The following ZNF724 variants were observed in gnomAD, a reference collection of about 807,000 sequenced individuals.
The protein encoded by ZNF724 is zinc finger protein 724.
Under a neutral mutation model 29.3 loss-of-function variants are expected in ZNF724, and 14 were observed. That is an observed-to-expected ratio of 0.48 (90% CI 0.32 to 0.75). The LOEUF is 0.75. Among genes scored for constraint, ZNF724 ranks in the 30% least tolerant of loss-of-function variants. The probability of loss-of-function intolerance (pLI) is 0.04; values close to 1 mark genes in which losing one functional copy is unlikely to be tolerated. For missense variants in ZNF724, 557 were observed against 571.2 expected (o/e 0.98, Z 0.25); for synonymous variants, 180 against 193.6 (o/e 0.93, Z 0.58).
Position 23,250,282 on chromosome 19 carries a change from G to A in ZNF724, c.-40C>T. 1.5e-6 allele frequency: 1 copy of A among 674,496 alleles called. No individual in the cohort carries two copies. The highest frequency in any genetic ancestry group is 1.3e-5 in the South Asian group (1 of 74,876). 41.8% of individuals were successfully genotyped at this position (674,496 alleles called of 1,614,324 possible). On this transcript the variant is annotated 5_prime_UTR_variant, in exon 1 of 4. Coordinates refer to ENST00000418100, the MANE Select transcript of ZNF724 (RefSeq NM_001355404.2). ...GGGAGGCCCTGGCGTCTTAGCTGTG[G>A]ATCTCCCAATGCTTGCAGGTCAGAG...
chr19:23,226,761 T>C (rs1426475055), intron 3 of ZNF724, among the ~76,000 whole-genome samples: 1 of 152,014 alleles, frequency 6.6e-6, no homozygotes, highest in Non-Finnish European at 1.5e-5. Context: ...ATAATTAGGG[T>C]CATATTTATA....
intron 1 of ZNF724, among the ~76,000 whole-genome samples, chr19:23,238,390 A>G (rs933332633): frequency 2.8e-5 from 4 of 145,212 alleles, no homozygotes; most frequent in African/African-American, 1.0e-4. Flanking sequence ...CCTTTGCCAA[A>G]GCAAAAACAC....
In ZNF724 at chr19:23,222,164, AT is replaced by A; in HGVS notation, c.*220del. On this transcript the variant is annotated 3_prime_UTR_variant, in exon 4 of 4. Transcript: ENST00000418100. ...CACTTGTAGAGGTTTCCTCTACTAT[AT>A]TTTACCTACAATCAAGTATGACAAC... 1 of 415,694 alleles carries A rather than the reference AT, an allele frequency of 2.4e-6. No individual in the cohort carries two copies. The highest frequency in any genetic ancestry group is 4.3e-6 in the Non-Finnish European group (1 of 232,822). The allele number at this position is 415,694 out of a possible 1,614,324, so 25.8% of individuals were successfully genotyped here.
intron 1 of ZNF724, among the ~76,000 whole-genome samples, chr19:23,239,699 T>A (rs1270776961): frequency 6.6e-6 from 1 of 152,102 alleles, no homozygotes; most frequent in East Asian, 1.9e-4. Context: ...TAATCTCAGC[T>A]ACTCGGGAGG....
intron 2 of ZNF724, 55 bp from the exon 3 acceptor site, chr19:23,231,416 G>C (rs541230754): frequency 8.6e-7 from 1 of 1,165,112 alleles, no homozygotes; most frequent in African/African-American, 1.5e-5. Context: ...TAAATAATGT[G>C]CTCAGTAAAA....
chr19:23,233,466 C>T (rs1223747344), intron 1 of ZNF724, among the ~76,000 whole-genome samples: 1 of 152,094 alleles, frequency 6.6e-6, no homozygotes, highest in Non-Finnish European at 1.5e-5. Context: ...TACTAAGGAT[C>T]CCAGCTTTTC....
chr19:23,228,517 T>C (rs1599638150), intron 3 of ZNF724, among the ~76,000 whole-genome samples: 1 of 149,526 alleles, frequency 6.7e-6, no homozygotes, highest in Middle Eastern at 3.7e-3. Context: ...TTTGGGGGAC[T>C]GAGGCGGGTG....
chr19:23,239,806 TTCAA>T (rs1008869752), intron 1 of ZNF724, among the ~76,000 whole-genome samples: 2 of 151,966 alleles, frequency 1.3e-5, no homozygotes, highest in African/African-American at 4.8e-5. Context: ...GCGAGACTGT[TTCAA>T]TCAATCAATA....
chr19:23,232,169 AG>A lies in ZNF724; in HGVS notation c.127del (p.Leu43TrpfsTer10). The A allele has an allele frequency of 7.4e-7, 1 of 1,342,290 alleles. No individual in the cohort carries two copies. The allele number at this position is 1,342,290 out of a possible 1,614,324, so 83.1% of individuals were successfully genotyped here. A position where few individuals can be genotyped will look rare whatever the true frequency, so the allele number is the denominator to read the frequency against. On this transcript the variant is annotated frameshift_variant, in exon 2 of 4. Transcript: ENST00000418100. LOFTEE classifies it high-confidence loss of function. Reference sequence around the variant, plus strand: ...TTGTGTATTGAAGTTATTCTCACCCAGGAAGACCAGGTTTCTGTAGTTCTCT... The same window carrying A: ...TTGTGTATTGAAGTTATTCTCACCCAGAAGACCAGGTTTCTGTAGTTCTCT... ...MLENYRNLVF[L>X]GIAVSKPDLI...
intron 3 of ZNF724, among the ~76,000 whole-genome samples, chr19:23,229,811 T>C (rs553367439): frequency 5.1e-5 from 7 of 138,002 alleles, no homozygotes; most frequent in African/African-American, 1.8e-4. Context: ...TGTTTGTTTC[T>C]TGAAATTCAC....
intron 1 of ZNF724, among the ~76,000 whole-genome samples, chr19:23,249,601 A>G (rs1159114729): frequency 6.6e-6 from 1 of 152,078 alleles, no homozygotes; most frequent in Non-Finnish European, 1.5e-5. Context: ...GGGTTTCACC[A>G]TGTTGGTCAG....
chr19:23,239,789 C>T (rs893986870), intron 1 of ZNF724, among the ~76,000 whole-genome samples: 8 of 151,970 alleles, frequency 5.3e-5, no homozygotes, highest in African/African-American at 1.9e-4. Flanking sequence ...CCAGGCTAGG[C>T]AACGCAGCGA....
At chr19:23,244,205 C>T (rs1295061935) in intron 1 of ZNF724, among the ~76,000 whole-genome samples, 1 of 152,096 alleles carries the variant, frequency 6.6e-6, no homozygotes, top group Non-Finnish European at 1.5e-5. Context: ...GCCCAGAACC[C>T]TAAGTTGGTG....
At position 23,243,547 on chromosome 19, in the gene ZNF724, ATAAG is replaced by A. The variant is rs1356745130; in HGVS notation, c.3+6689_3+6692del. Among the ~76,000 whole-genome samples the A allele has an allele frequency of 2.7e-5, 4 of 150,724 alleles. No homozygotes were observed. The East Asian group carries it at 5.9e-4, about 22-fold the overall frequency. On this transcript the variant is annotated intron_variant, in intron 1 of 3. Coordinates refer to ENST00000418100, the MANE Select transcript of ZNF724 (RefSeq NM_001355404.2). ...GAAAAACAAATGCACTATCTCATTTATAAGTAAGAGCTAAATAATAAGAACCCAT... is the reference window on the plus strand; with the variant it reads ...GAAAAACAAATGCACTATCTCATTTATAAGAGCTAAATAATAAGAACCCAT...
Position 23,227,710 on chromosome 19 carries a change from G to A in ZNF724, c.226+3556C>T, listed in dbSNP as rs955354344. Reference sequence around the variant, plus strand: ...TTTATTTAGATATAGTCTGAAGAAAGTGGGTGCAAATCCTGTAATTCCTAT... The same window carrying A: ...TTTATTTAGATATAGTCTGAAGAAAATGGGTGCAAATCCTGTAATTCCTAT... On this transcript the variant is annotated intron_variant, in intron 3 of 3. Coordinates refer to ENST00000418100, the MANE Select transcript of ZNF724 (RefSeq NM_001355404.2). Among the ~76,000 whole-genome samples the A allele has an allele frequency of 2.0e-5, 3 of 152,104 alleles. No individual in the cohort carries two copies. The South Asian group carries it at 6.2e-4, about 32-fold the overall frequency.
chr19:23,230,963 A>C (rs1462190112), intron 3 of ZNF724: 1 of 178,528 alleles, frequency 5.6e-6, no homozygotes, highest in Non-Finnish European at 1.2e-5. Context: ...AGCTCACCAC[A>C]ACCTCTGCCT....
intron 1 of ZNF724, among the ~76,000 whole-genome samples, chr19:23,234,622 T>C (rs1440466689): frequency 6.6e-6 from 1 of 152,086 alleles, no homozygotes; most frequent in Admixed American, 6.6e-5. Flanking sequence ...CAGCTAATTT[T>C]TGTACTTTTA....
chr19:23,228,790 T>C (rs1028705353), intron 3 of ZNF724, among the ~76,000 whole-genome samples: 1 of 150,486 alleles, frequency 6.6e-6, no homozygotes, highest in African/African-American at 2.4e-5. Context: ...CTTGGGAGGC[T>C]GAGGCAGGAG....
At chr19:23,242,103 CA>C (rs1198006460) in intron 1 of ZNF724, among the ~76,000 whole-genome samples, 1 of 152,082 alleles carries the variant, frequency 6.6e-6, no homozygotes, top group Non-Finnish European at 1.5e-5. Flanking sequence ...AAAGCCAAAT[CA>C]AAAACACAAT....
Sources: gnomAD v4.1 joint callset for allele counts (sites outside exome capture counted in the v4.1 genomes callset) on GRCh38, gnomAD v4.1.1 for gene constraint, MANE v1.5 for transcripts, NCBI Gene and HGNC (gene_info 2026-07-23, HGNC 2026-07-21) for gene names.